The following FAM117B variants were observed in gnomAD, a reference collection of about 807,000 sequenced individuals.
FAM117B encodes the protein family with sequence similarity 117 member B, also known as protein FAM117B.
In FAM117B, 22 loss-of-function variants were observed where a neutral mutation model predicts 52.8. The ratio of observed to expected loss-of-function variants is 0.42; its 90% CI spans 0.30 to 0.59. The LOEUF is 0.59. FAM117B is among the 20% of genes least tolerant of loss of function. The pLI is 0.22. For synonymous variants in FAM117B, 309 were observed against 324.1 expected (o/e 0.95, Z 0.50); for missense variants, 678 against 802.6 (o/e 0.84, Z 1.88).
At position 202,656,113 on chromosome 2, in the gene FAM117B, CTTTG is replaced by C. The variant is rs552260482; in HGVS notation, c.601+20330_601+20333del. Among the ~76,000 whole-genome samples the C allele has an allele frequency of 3.4e-3, 519 of 152,194 alleles. 7 individuals are homozygous for C. The highest frequency in any genetic ancestry group is 6.6e-3 in the Admixed American group (101 of 15,276). ...TGATTTGAATATTTGTATATTTTCT[CTTTG>C]TTTGGTCAGAATGGCTAGAGAGGTT... On this transcript the variant is annotated intron_variant, in intron 1 of 7. Transcript: ENST00000392238.
chr2:202,760,965 A>G (rs1470365938), intron 7 of FAM117B, among the ~76,000 whole-genome samples: 1 of 151,770 alleles, frequency 6.6e-6, no homozygotes, highest in Non-Finnish European at 1.5e-5. Context: ...GGAGTGCAGT[A>G]TTGGAGTCAA....
chr2:202,635,828 C>T, intron 1 of FAM117B, 40 bp downstream of exon 1: 7 of 1,387,310 alleles, frequency 5.0e-6, no homozygotes, highest in South Asian at 1.5e-5. Flanking sequence ...GAGGCGGCTG[C>T]GGGAAGGGGT....
chr2:202,735,177 T>TTG (rs1353642180), intron 4 of FAM117B, among the ~76,000 whole-genome samples: 1 of 152,038 alleles, frequency 6.6e-6, no homozygotes, highest in African/African-American at 2.4e-5. Context: ...TGGGTCCATT[T>TTG]TGTGTGTGTG....
chr2:202,683,472 T>C (rs1347320644), intron 1 of FAM117B, among the ~76,000 whole-genome samples: 3 of 152,092 alleles, frequency 2.0e-5, no homozygotes, highest in Admixed American at 6.6e-5. Context: ...GTTTTAAATA[T>C]CAGGAATGAA....
intron 6 of FAM117B, 127 bp from the exon 7 acceptor site, chr2:202,759,106 A>T (rs993838489): frequency 1.0e-6 from 1 of 956,118 alleles, no homozygotes; most frequent in Non-Finnish European, 1.5e-6. Flanking sequence ...AACAAACATT[A>T]ATTATCTCCT....
chr2:202,668,103 A>ATATTT (rs1428012747), intron 1 of FAM117B, among the ~76,000 whole-genome samples: 7 of 139,986 alleles, frequency 5.0e-5, no homozygotes, highest in African/African-American at 1.7e-4. Flanking sequence ...AAATATATTT[A>ATATTT]TATAAAAAAT....
At chr2:202,713,285 A>G (rs2162495) in intron 2 of FAM117B, among the ~76,000 whole-genome samples, 34,443 of 152,130 alleles carry the variant, frequency 0.23, 4,611 homozygotes, top group Middle Eastern at 0.31. Flanking sequence ...GAATTTATCC[A>G]TTTATTCTAG....
At chr2:202,663,298 T>C (rs1690157653) in intron 1 of FAM117B, among the ~76,000 whole-genome samples, 1 of 152,248 alleles carries the variant, frequency 6.6e-6, no homozygotes, top group African/African-American at 2.4e-5. Context: ...TTTTGAATTC[T>C]GACTGTGCAC....
At chr2:202,679,539 C>T (rs542773900) in intron 1 of FAM117B, among the ~76,000 whole-genome samples, 1 of 152,240 alleles carries the variant, frequency 6.6e-6, no homozygotes, top group Non-Finnish European at 1.5e-5. Flanking sequence ...TTAAGTAATT[C>T]CCAGGGTTAG....
chr2:202,666,100 T>C (rs186281525), intron 1 of FAM117B, among the ~76,000 whole-genome samples: 1 of 152,168 alleles, frequency 6.6e-6, no homozygotes, highest in East Asian at 1.9e-4. Flanking sequence ...CATTCTGCAA[T>C]TTGTGTCTGC....
intron 4 of FAM117B, among the ~76,000 whole-genome samples, chr2:202,728,632 T>C (rs1691293910): frequency 6.6e-6 from 1 of 152,170 alleles, no homozygotes; most frequent in Admixed American, 6.5e-5. Context: ...CCAGTCCATA[T>C]TTTTACTCCA....
chr2:202,724,570 G>A (rs1366685440), intron 2 of FAM117B, among the ~76,000 whole-genome samples: 1 of 152,078 alleles, frequency 6.6e-6, no homozygotes, highest in Non-Finnish European at 1.5e-5. Context: ...CCTGGTGCGT[G>A]CTAATAATAA....
intron 2 of FAM117B, among the ~76,000 whole-genome samples, chr2:202,719,035 A>G (rs1366982754): frequency 6.6e-6 from 1 of 152,184 alleles, no homozygotes; most frequent in Non-Finnish European, 1.5e-5. Context: ...TAAGCCTTCT[A>G]GTACATAAGA....
At chr2:202,655,131 G>A (rs1305783288) in intron 1 of FAM117B, among the ~76,000 whole-genome samples, 1 of 152,084 alleles carries the variant, frequency 6.6e-6, no homozygotes, top group East Asian at 1.9e-4. Flanking sequence ...TGAATGAGTT[G>A]TAGCATTTTC....
At chr2:202,737,854 G>A (rs1390210278) in intron 4 of FAM117B, among the ~76,000 whole-genome samples, 4 of 152,024 alleles carry the variant, frequency 2.6e-5, no homozygotes, top group Non-Finnish European at 4.4e-5. Flanking sequence ...TGACCACCTC[G>A]ACCTCCCAAA....
At chr2:202,747,281 C>T (rs1691648959) in intron 4 of FAM117B, among the ~76,000 whole-genome samples, 1 of 152,068 alleles carries the variant, frequency 6.6e-6, no homozygotes, top group South Asian at 2.1e-4. Flanking sequence ...AATACCTTGA[C>T]ATAATAAAAG....
chr2:202,754,615 A>C (rs1229086459), intron 4 of FAM117B, among the ~76,000 whole-genome samples: 1 of 152,046 alleles, frequency 6.6e-6, no homozygotes, highest in Non-Finnish European at 1.5e-5. Flanking sequence ...GGGGCTGTGC[A>C]TGGTGGCTCA....
intron 1 of FAM117B, among the ~76,000 whole-genome samples, chr2:202,661,330 A>AC (rs1559096657): frequency 6.6e-6 from 1 of 152,228 alleles, no homozygotes; most frequent in Non-Finnish European, 1.5e-5. Context: ...GCGTATTTGA[A>AC]AGTCTGAGTA....
chr2:202,680,002 AAT>A (rs1349484443), intron 1 of FAM117B, among the ~76,000 whole-genome samples: 3 of 152,188 alleles, frequency 2.0e-5, no homozygotes, highest in Non-Finnish European at 2.9e-5. Flanking sequence ...AGAAAAATGA[AAT>A]ATATTGAAAA....
Sources: gnomAD v4.1 joint callset for allele counts (sites outside exome capture counted in the v4.1 genomes callset) on GRCh38, gnomAD v4.1.1 for gene constraint, MANE v1.5 for transcripts, NCBI Gene and HGNC (gene_info 2026-07-23, HGNC 2026-07-21) for gene names.